SCAPER: variants seen among roughly 807,000 people sequenced by gnomAD.
SCAPER encodes S-phase cyclin A associated protein in the ER, also known as S phase cyclin A-associated protein in the endoplasmic reticulum.
In SCAPER, 98 loss-of-function variants were observed where a neutral mutation model predicts 182.2. That is an observed-to-expected ratio of 0.54 (90% CI 0.46 to 0.64). SCAPER has a LOEUF of 0.64. SCAPER is among the 30% of genes least tolerant of loss of function. SCAPER has a pLI of 0.00. For synonymous variants in SCAPER, 605 were observed against 564.6 expected, an observed-to-expected ratio of 1.07 and a Z score of -1.01; for missense variants, 1,432 against 1,690.0, an observed-to-expected ratio of 0.85 and a Z score of 2.68.
chr15:76,552,042 T>A (rs552693283), intron 23 of SCAPER, among the ~76,000 whole-genome samples: 21 of 151,954 alleles, frequency 1.4e-4, no homozygotes, highest in Non-Finnish European at 2.8e-4. Flanking sequence ...CGCCAGCAGT[T>A]TGGGAGGCTG....
chr15:76,753,512 T>G (rs991360831), intron 15 of SCAPER, among the ~76,000 whole-genome samples: 2 of 151,950 alleles, frequency 1.3e-5, no homozygotes, highest in African/African-American at 4.8e-5. Context: ...TTCATTGTAC[T>G]GATAGTTTCA....
In SCAPER at chr15:76,498,338, T is replaced by C. The variant is rs573496251; in HGVS notation, c.2954+6521A>G. The C allele has an allele frequency of 2.6e-5, 4 of 152,268 alleles. No individual in the cohort carries two copies. The South Asian group carries it at 8.3e-4, about 32-fold the overall frequency. The allele number at this position is 152,268 out of a possible 1,614,324, so 9.4% of individuals were successfully genotyped here. On this transcript the variant is annotated intron_variant, in intron 24 of 31. Coordinates refer to ENST00000563290, the MANE Select transcript of SCAPER (RefSeq NM_020843.4). ...TTAAGGACTGGAAGCCCTAGATTAT[T>C]TACCTGCTTCTGGAGCACAGTGAGA...
In SCAPER at chr15:76,454,317, G is replaced by T. The variant is rs1207792367; in HGVS notation, c.3078+16895C>A. ...TCCTTAAGAGATATTGTATTTGACC[G>T]CTTGTTTGAGCTATCCACTGATCAT... On this transcript the variant is annotated intron_variant, in intron 25 of 31. Transcript: ENST00000563290. 3.9e-5 allele frequency among the ~76,000 whole-genome samples: 6 copies of T among 152,068 alleles called. No individual in the cohort carries two copies. In the East Asian group the frequency reaches 9.6e-4, roughly 24 times the overall value.
At chr15:76,691,522 AAAG>A (rs1405725343) in intron 20 of SCAPER, among the ~76,000 whole-genome samples, 3 of 152,164 alleles carry the variant, frequency 2.0e-5, no homozygotes, top group African/African-American at 7.2e-5. Flanking sequence ...CAATTTTGAA[AAAG>A]AATAAAGAGG....
chr15:76,578,034 G>A (rs2047981066), intron 22 of SCAPER, among the ~76,000 whole-genome samples: 1 of 151,978 alleles, frequency 6.6e-6, no homozygotes, highest in African/African-American at 2.4e-5. Context: ...AGAGCCCTTG[G>A]GCCTTGAGTG....
chr15:76,459,400 T>G (rs2048982403), intron 25 of SCAPER, among the ~76,000 whole-genome samples: 1 of 152,194 alleles, frequency 6.6e-6, no homozygotes, highest in Admixed American at 6.5e-5. Flanking sequence ...TGGAGTAAGA[T>G]GACATCTCAT....
At chr15:76,413,610 C>A (rs146979058) in intron 26 of SCAPER, among the ~76,000 whole-genome samples, 4 of 152,232 alleles carry the variant, frequency 2.6e-5, no homozygotes, top group East Asian at 3.9e-4. Context: ...TCCTTTAGAG[C>A]AAAGGTCAGT....
chr15:76,428,321 C>CTCCCATGTT (rs2046585006), intron 26 of SCAPER, among the ~76,000 whole-genome samples: 1 of 152,156 alleles, frequency 6.6e-6, no homozygotes, highest in African/African-American at 2.4e-5. Flanking sequence ...TATTGCAGCA[C>CTCCCATGTT]TATTCAAAAT....
chr15:76,485,183 C>T (rs1280485699), intron 24 of SCAPER, among the ~76,000 whole-genome samples: 1 of 152,180 alleles, frequency 6.6e-6, no homozygotes, highest in Non-Finnish European at 1.5e-5. Context: ...ACTTCTTGAG[C>T]TGATAACTTC....
Position 76,723,898 on chromosome 15 carries a change from A to G in SCAPER, c.2165+4697T>C, listed in dbSNP as rs535270577. Among the ~76,000 whole-genome samples, 208 of 152,322 alleles carry G rather than the reference A, an allele frequency of 1.4e-3. 1 individual carries two copies. Among genetic ancestry groups the G allele is most frequent in the Non-Finnish European group, 1.4e-3 (96 of 68,034 alleles). ...TCCAATTTGCCAGTCTGTGACTTTT[A>G]ATTGGAGCATTTAGCCCATTTACAT... On this transcript the variant is annotated intron_variant, in intron 17 of 31. Transcript: ENST00000563290.
intron 23 of SCAPER, among the ~76,000 whole-genome samples, chr15:76,511,871 G>GTGTGTGTGTGTGTA (rs1254821810): frequency 9.9e-6 from 1 of 100,678 alleles, no homozygotes; most frequent in East Asian, 3.4e-4. Flanking sequence ...GTGTGTGTGT[G>GTGTGTGTGTGTGTA]TATATATATA....
chr15:76,781,697 G>GA (rs1422359253), intron 8 of SCAPER, among the ~76,000 whole-genome samples: 11 of 152,190 alleles, frequency 7.2e-5, no homozygotes, highest in Non-Finnish European at 1.2e-4. Flanking sequence ...TCTCTCGACA[G>GA]AAACCCTACA....
chr15:76,626,670 TTACACCAC>T (rs2052605985), intron 21 of SCAPER, among the ~76,000 whole-genome samples: 4 of 152,168 alleles, frequency 2.6e-5, no homozygotes, highest in Non-Finnish European at 4.4e-5. Flanking sequence ...TAAGCCAAGA[TTACACCAC>T]TGCACTCCAG....
At chr15:76,769,434 C>T (rs1306797893) in intron 10 of SCAPER, among the ~76,000 whole-genome samples, 2 of 96,314 alleles carry the variant, frequency 2.1e-5, no homozygotes, top group Admixed American at 3.2e-4. Context: ...CACAGTGAGA[C>T]TCTGTCTCAA....
intron 2 of SCAPER, among the ~76,000 whole-genome samples, chr15:76,876,378 A>T (rs1035067038): frequency 2.0e-5 from 3 of 151,596 alleles, no homozygotes; most frequent in African/African-American, 4.8e-5. Flanking sequence ...TCACCTCTCA[A>T]GATCATGCTA....
intron 15 of SCAPER, among the ~76,000 whole-genome samples, chr15:76,736,200 C>T (rs2061254167): frequency 6.6e-6 from 1 of 152,200 alleles, no homozygotes; most frequent in Non-Finnish European, 1.5e-5. Context: ...ACAATGTACG[C>T]ACCTTAATTC....
intron 25 of SCAPER, among the ~76,000 whole-genome samples, chr15:76,441,134 G>T (rs1183178167): frequency 6.6e-6 from 1 of 151,734 alleles, no homozygotes; most frequent in East Asian, 1.9e-4. Context: ...TGTTAGCCAG[G>T]ATGGTCTCGA....
intron 27 of SCAPER, among the ~76,000 whole-genome samples, chr15:76,399,180 C>T (rs762637637): frequency 7.9e-5 from 12 of 152,136 alleles, no homozygotes; most frequent in Middle Eastern, 3.2e-3. Context: ...CACTGTTACC[C>T]AGGCTGGAGT....
chr15:76,695,526 G>A (rs1284517633), intron 20 of SCAPER, among the ~76,000 whole-genome samples: 2 of 151,694 alleles, frequency 1.3e-5, no homozygotes, highest in African/African-American at 2.4e-5. Flanking sequence ...GAACCCAGGA[G>A]GCAGAGGTTG....
Sources: allele counts gnomAD v4.1 joint callset (sites outside exome capture counted in the v4.1 genomes callset), GRCh38; gene constraint gnomAD v4.1.1; transcripts MANE v1.5; gene names NCBI Gene and HGNC (gene_info 2026-07-23, HGNC 2026-07-21).